Variants in SORCS1 observed in about 807,000 individuals in gnomAD.
SORCS1 encodes VPS10 domain-containing receptor SorCS1.
In SORCS1, 60 loss-of-function variants were observed where a neutral mutation model predicts 146.1. The ratio of observed to expected loss-of-function variants is 0.41; its 90% confidence interval spans 0.33 to 0.51. SORCS1 has a LOEUF of 0.51. Ranked by LOEUF, SORCS1 falls within the 20% of genes least tolerant of loss-of-function variation. The pLI is 0.21. For missense variants in SORCS1, 1,352 were observed against 1,487.6 expected (o/e 0.91, Z 1.50); for synonymous variants, 637 against 584.0 (o/e 1.09, Z -1.31).
chr10:106,870,822 G>C, intron 2 of SORCS1, among the ~76,000 whole-genome samples: 1 of 152,046 alleles, frequency 6.6e-6, no homozygotes, highest in Non-Finnish European at 1.5e-5. Flanking sequence ...TGCAACCAAA[G>C]CAAACATTGA....
intron 6 of SORCS1, among the ~76,000 whole-genome samples, chr10:106,720,817 G>A (rs372864262): frequency 2.6e-5 from 4 of 152,184 alleles, no homozygotes; most frequent in African/African-American, 9.6e-5. Context: ...GTGGGCACCT[G>A]GGAAGCAGAG....
At chr10:107,167,570 G>C (rs1005950029), upstream of SORCS1, among the ~76,000 whole-genome samples, 1 of 152,046 alleles carries the variant, frequency 6.6e-6, no homozygotes, top group Non-Finnish European at 1.5e-5. Flanking sequence ...TAATTGCACT[G>C]TTCCGTTCCT....
At chr10:106,964,552 T>C (rs562633712) in intron 1 of SORCS1, among the ~76,000 whole-genome samples, 10 of 152,222 alleles carry the variant, frequency 6.6e-5, no homozygotes, top group African/African-American at 2.2e-4. Flanking sequence ...AGTGGTGCGA[T>C]CTTGGCTCAC....
intron 1 of SORCS1, among the ~76,000 whole-genome samples, chr10:107,069,457 C>A (rs797005583): frequency 4.2e-4 from 64 of 152,142 alleles, no homozygotes; most frequent in African/African-American, 1.5e-3. Flanking sequence ...CTCACTGCAA[C>A]CTTCGCCTCC....
intron 1 of SORCS1, among the ~76,000 whole-genome samples, chr10:107,112,603 TA>T (rs1392373268): frequency 2.6e-5 from 4 of 151,952 alleles, no homozygotes; most frequent in African/African-American, 4.8e-5. Flanking sequence ...CTGAATGGGT[TA>T]AAAAAAATCA....
Position 107,164,565 on chromosome 10 carries a change from C to T in SORCS1, c.-39G>A. ...AGCAGCGGAGAGAGGGGTCCCAGAA[C>T]GAAGGTGGCGGCACGAGCTCTGCGC... On this transcript the variant is annotated 5_prime_UTR_variant, in exon 1 of 26. Transcript: ENST00000263054. This position sits in a 1 kb window ranked among gnomAD's most constrained non-coding sequence, Gnocchi z 6.8. 3.8e-6 allele frequency: 5 copies of T among 1,316,920 alleles called. No individual in the cohort carries two copies. The South Asian group carries it at 1.1e-4, about 29-fold the overall frequency. 81.6% of individuals were successfully genotyped at this position (1,316,920 alleles called of 1,614,324 possible). A position where few individuals can be genotyped will look rare whatever the true frequency, so the allele number is the denominator to read the frequency against.
intron 10 of SORCS1, among the ~76,000 whole-genome samples, chr10:106,686,342 T>C (rs1026763214): frequency 6.6e-6 from 1 of 152,210 alleles, no homozygotes; most frequent in African/African-American, 2.4e-5. Flanking sequence ...CCTTGCTAAG[T>C]GCTTAAAAGC....
At chr10:106,889,891 A>T (rs1039240886) in intron 2 of SORCS1, among the ~76,000 whole-genome samples, 4 of 148,612 alleles carry the variant, frequency 2.7e-5, no homozygotes, top group Non-Finnish European at 6.0e-5. Flanking sequence ...TCTCAAATAA[A>T]AAAAAAAAAA....
At chr10:106,953,667 A>C (rs1954809240) in intron 2 of SORCS1, among the ~76,000 whole-genome samples, 2 of 152,204 alleles carry the variant, frequency 1.3e-5, no homozygotes, top group Admixed American at 1.3e-4. Flanking sequence ...ATGTAGGCAT[A>C]AGGTACACCC....
intron 4 of SORCS1, among the ~76,000 whole-genome samples, chr10:106,762,381 TTATTC>T (rs1859186987): frequency 7.7e-6 from 1 of 129,660 alleles, no homozygotes; most frequent in African/African-American, 2.8e-5. Context: ...GTCTTTTTTA[TTATTC>T]TTTTTTTTTT....
chr10:107,169,054 C>T (rs115935386), upstream of SORCS1, among the ~76,000 whole-genome samples: 602 of 152,198 alleles, frequency 4.0e-3, 3 homozygotes, highest in African/African-American at 0.014. Context: ...AATGTTATAA[C>T]CACTCCCCAC....
chr10:106,776,738 T>G (rs1168095840), intron 3 of SORCS1, 46 bp from the exon 4 acceptor site: 8 of 1,582,446 alleles, frequency 5.1e-6, no homozygotes, highest in Non-Finnish European at 6.9e-6. Flanking sequence ...AAAATTAAGT[T>G]TACAAATTTG....
intron 18 of SORCS1, among the ~76,000 whole-genome samples, chr10:106,634,617 A>G (rs1269994059): frequency 1.3e-5 from 2 of 152,192 alleles, no homozygotes; most frequent in Non-Finnish European, 2.9e-5. Context: ...GGTGGTAACA[A>G]AGATAAAGCA....
intron 2 of SORCS1, among the ~76,000 whole-genome samples, chr10:106,855,588 A>C (rs1306598373): frequency 6.6e-6 from 1 of 151,810 alleles, no homozygotes; most frequent in African/African-American, 2.4e-5. Flanking sequence ...GTCTTTTTTT[A>C]AGTTTTGGAA....
chr10:107,045,316 G>A (rs1290936321), intron 1 of SORCS1, among the ~76,000 whole-genome samples: 2 of 152,138 alleles, frequency 1.3e-5, no homozygotes, highest in Non-Finnish European at 2.9e-5. Flanking sequence ...GTGGTTTTCA[G>A]GTAAGTAGTC....
At chr10:106,864,760 G>T (rs539306322) in intron 2 of SORCS1, among the ~76,000 whole-genome samples, 63 of 152,350 alleles carry the variant, frequency 4.1e-4, no homozygotes, top group African/African-American at 1.5e-3. Context: ...TGCCATATTG[G>T]CTGTGTGGCA....
chr10:106,958,920 C>T (rs1416439006), intron 1 of SORCS1, among the ~76,000 whole-genome samples: 1 of 152,072 alleles, frequency 6.6e-6, no homozygotes, highest in Non-Finnish European at 1.5e-5. Context: ...GCCGAATAAG[C>T]CTATAAATCC....
intron 16 of SORCS1, 46 bp downstream of exon 16, chr10:106,671,191 G>A (rs575694006): frequency 6.2e-7 from 1 of 1,611,968 alleles, no homozygotes; most frequent in African/African-American, 1.3e-5. Context: ...GGCCCATGTG[G>A]ATTTGATACA....
At chr10:106,722,525 G>A (rs2135949149) in intron 6 of SORCS1, among the ~76,000 whole-genome samples, 1 of 152,238 alleles carries the variant, frequency 6.6e-6, no homozygotes, top group African/African-American at 2.4e-5. Context: ...ATTTCACAGA[G>A]TTCTCAGGCA....
Sources: gnomAD v4.1 joint callset for allele counts (sites outside exome capture counted in the v4.1 genomes callset) on GRCh38, gnomAD v4.1.1 for gene constraint, Gnocchi (gnomAD v3.1) non-coding constraint, MANE v1.5 for transcripts, NCBI Gene and HGNC (gene_info 2026-07-23, HGNC 2026-07-21) for gene names.